CLVS1: variants seen among roughly 807,000 people sequenced by gnomAD.
CLVS1 encodes the protein clavesin 1, also known as clavesin-1.
In CLVS1, 10 loss-of-function variants were observed where a neutral mutation model predicts 33.1. The ratio of observed to expected loss-of-function variants is 0.30; its 90% CI spans 0.19 to 0.51. The LOEUF (loss-of-function observed/expected upper bound fraction) is 0.51. Ranked by LOEUF, CLVS1 falls within the 20% of genes least tolerant of loss-of-function variation. The pLI is 0.97. For missense variants in CLVS1, 343 were observed against 433.4 expected (o/e 0.79, Z 1.85); for synonymous variants, 163 against 166.1 (o/e 0.98, Z 0.14).
intron 1 of CLVS1, among the ~76,000 whole-genome samples, chr8:61,295,769 C>T (rs112511894): frequency 6.6e-6 from 1 of 152,088 alleles, no homozygotes; most frequent in Non-Finnish European, 1.5e-5. Context: ...TTGGGGCAAT[C>T]ATTTAACCTC....
rs916060072 is a variant in CLVS1, at chr8:61,491,408, C to T, written c.978-8047C>T. On this transcript the variant is annotated intron_variant, in intron 5 of 5. Transcript: ENST00000325897. ...CTTAGTTTATCTACCTCTCAGAGGG[C>T]CCTTATCATGAGCAGCCAGTCATCT... is the stretch of plus-strand genomic sequence containing the variant. Among the ~76,000 whole-genome samples the T allele has an allele frequency of 7.2e-5, 11 of 152,284 alleles. No individual in the cohort carries two copies. The South Asian group carries it at 1.7e-3, about 23-fold the overall frequency.
At chr8:61,339,044 G>A (rs1811916260) in intron 2 of CLVS1, among the ~76,000 whole-genome samples, 1 of 151,882 alleles carries the variant, frequency 6.6e-6, no homozygotes, top group Non-Finnish European at 1.5e-5. Context: ...CTTTTGAGGA[G>A]GCTGAGGATG....
rs1213130270 is a variant in CLVS1 at position 61,489,314 on chromosome 8, G to C, written c.978-10141G>C. Among the ~76,000 whole-genome samples the C allele has an allele frequency of 3.9e-5, 6 of 152,150 alleles. No homozygotes were observed. In the East Asian group the frequency reaches 1.2e-3, roughly 29 times the overall value. On this transcript the variant is annotated intron_variant, in intron 5 of 5. Coordinates refer to ENST00000325897, the MANE Select transcript of CLVS1 (RefSeq NM_173519.3). The stretch of plus-strand genomic sequence containing the variant: ...TTTATGCCCTTTGGTTTCTTACCAA[G>C]TTATAGGTATTTTTTGTACAGTATA...
At chr8:61,284,073 A>T (rs946322366), upstream of CLVS1, among the ~76,000 whole-genome samples, 1 of 152,276 alleles carries the variant, frequency 6.6e-6, no homozygotes, top group South Asian at 2.1e-4. Flanking sequence ...GTGGCAACAT[A>T]GATAAACCTG....
At chr8:61,040,359 G>A in the CLVS1 span, among the ~76,000 whole-genome samples, 1 of 152,216 alleles carries the variant, frequency 6.6e-6, no homozygotes, top group African/African-American at 2.4e-5. Context: ...CCAGTAATGG[G>A]ATTACTGGGT....
intron 2 of CLVS1, among the ~76,000 whole-genome samples, chr8:61,320,962 T>G (rs1811174272): frequency 6.6e-6 from 1 of 152,198 alleles, no homozygotes; most frequent in African/African-American, 2.4e-5. Context: ...TTCTATTAAC[T>G]TAAAAATAAA....
At chr8:61,459,221 A>C (rs1290870703) in intron 5 of CLVS1, among the ~76,000 whole-genome samples, 1 of 152,226 alleles carries the variant, frequency 6.6e-6, no homozygotes, top group Non-Finnish European at 1.5e-5. Context: ...ATAAAGCTCC[A>C]AAAACAGTTG....
At chr8:61,296,348 C>G (rs572836526) in intron 1 of CLVS1, among the ~76,000 whole-genome samples, 1 of 152,294 alleles carries the variant, frequency 6.6e-6, no homozygotes, top group African/African-American at 2.4e-5. Flanking sequence ...TATGTGGAAG[C>G]AGGCCATGAA....
intron 2 of CLVS1, among the ~76,000 whole-genome samples, chr8:61,359,708 A>G (rs556967280): frequency 2.0e-5 from 3 of 152,318 alleles, no homozygotes; most frequent in African/African-American, 7.2e-5. Flanking sequence ...TAGTATAAAT[A>G]TGACTGCATT....
At chr8:61,180,016 A>G (rs1807198582) in intron 2 of CLVS1, among the ~76,000 whole-genome samples, 1 of 152,186 alleles carries the variant, frequency 6.6e-6, no homozygotes, top group African/African-American at 2.4e-5. Context: ...AAATAGAAAC[A>G]TGAGAAACCC....
chr8:61,172,035 C>G (rs1360653745), intron 2 of CLVS1, among the ~76,000 whole-genome samples: 1 of 152,162 alleles, frequency 6.6e-6, no homozygotes, highest in East Asian at 1.9e-4. Flanking sequence ...CAAACTCTTG[C>G]TAATCACATA....
At chr8:61,149,284 G>T (rs929620898) in intron 2 of CLVS1, among the ~76,000 whole-genome samples, 1 of 152,264 alleles carries the variant, frequency 6.6e-6, no homozygotes, top group East Asian at 1.9e-4. Context: ...AGGCGCAATG[G>T]CTCATGCCTG....
chr8:61,115,476 C>T (rs780099430), intron 1 of CLVS1, among the ~76,000 whole-genome samples: 6 of 152,010 alleles, frequency 3.9e-5, no homozygotes, highest in Admixed American at 1.3e-4. Flanking sequence ...ACTGCACCCA[C>T]TAACTCGTCA....
intron 2 of CLVS1, among the ~76,000 whole-genome samples, chr8:61,351,241 C>T (rs1019686745): frequency 1.7e-4 from 25 of 151,484 alleles, no homozygotes; most frequent in African/African-American, 5.6e-4. Flanking sequence ...TAAAAAAGAA[C>T]CAAGTGGAAA....
At chr8:61,291,088 G>T (rs1182315067) in intron 1 of CLVS1, among the ~76,000 whole-genome samples, 1 of 152,112 alleles carries the variant, frequency 6.6e-6, no homozygotes, top group East Asian at 1.9e-4. Context: ...AACATCCCCT[G>T]CCCCATAAAA....
upstream of CLVS1, among the ~76,000 whole-genome samples, chr8:61,284,304 T>G (rs1809733079): frequency 6.6e-6 from 1 of 152,228 alleles, no homozygotes; most frequent in South Asian, 2.1e-4. Flanking sequence ...GTTCCACTGC[T>G]ATAGCAGAAT....
At chr8:61,273,463 C>G (rs1017796096) in intron 2 of CLVS1, among the ~76,000 whole-genome samples, 1 of 152,186 alleles carries the variant, frequency 6.6e-6, no homozygotes, top group Non-Finnish European at 1.5e-5. Flanking sequence ...TGCCCTGCCC[C>G]CAGAGGTGGA....
intron 2 of CLVS1, among the ~76,000 whole-genome samples, chr8:61,326,626 A>G (rs900734980): frequency 3.3e-5 from 5 of 152,200 alleles, no homozygotes; most frequent in Non-Finnish European, 5.9e-5. Context: ...CGCAGTACAG[A>G]GGAACATGTC....
intron 2 of CLVS1, among the ~76,000 whole-genome samples, chr8:61,238,804 C>T (rs1235966991): frequency 6.6e-6 from 1 of 152,202 alleles, no homozygotes; most frequent in Non-Finnish European, 1.5e-5. Context: ...GCTATTGGAG[C>T]TATTGAGGTA....
Sources: gnomAD v4.1 joint callset for allele counts (sites outside exome capture counted in the v4.1 genomes callset) on GRCh38, gnomAD v4.1.1 for gene constraint, MANE v1.5 for transcripts, NCBI Gene and HGNC (gene_info 2026-07-23, HGNC 2026-07-21) for gene names.